Variants in RAB7A observed in about 807,000 individuals in gnomAD.
RAB7A encodes RAB7A, member RAS oncogene family, also known as ras-related protein Rab-7a.
RAB7A carries 2 observed loss-of-function variants against 24.5 expected under a neutral mutation model. The observed-to-expected ratio is 0.08, with a 90% CI of 0.03 to 0.26. The LOEUF is 0.26. Ranked by LOEUF, RAB7A falls within the 10% of genes least tolerant of loss-of-function variation. The pLI, the probability that RAB7A is intolerant of heterozygous loss-of-function variation, is 1.00. For synonymous variants in RAB7A, 100 were observed against 95.9 expected, an observed-to-expected ratio of 1.04 and a Z score of -0.25; for missense variants, 118 against 255.7, an observed-to-expected ratio of 0.46 and a Z score of 3.67.
At chr3:128,753,994 A>G (rs1003487289) in intron 1 of RAB7A, among the ~76,000 whole-genome samples, 2 of 152,026 alleles carry the variant, frequency 1.3e-5, no homozygotes, top group Non-Finnish European at 2.9e-5. Context: ...AAACACTAAA[A>G]CTACAGCACC....
At chr3:128,784,505 C>T (rs1488545776) in intron 1 of RAB7A, among the ~76,000 whole-genome samples, 2 of 152,204 alleles carry the variant, frequency 1.3e-5, no homozygotes, top group East Asian at 1.9e-4. Flanking sequence ...GCAGGCAGGG[C>T]GCTGGCTCTG....
intron 1 of RAB7A, among the ~76,000 whole-genome samples, chr3:128,732,219 TA>T (rs1256365022): frequency 1.3e-5 from 2 of 151,536 alleles, no homozygotes; most frequent in African/African-American, 2.4e-5. Context: ...TTTGTATTTT[TA>T]GTATAGATGG....
intron 1 of RAB7A, among the ~76,000 whole-genome samples, chr3:128,787,752 C>T (rs930701523): frequency 3.9e-5 from 6 of 152,148 alleles, no homozygotes; most frequent in Non-Finnish European, 7.3e-5. Flanking sequence ...GTTCTGTCAC[C>T]CAGGCTGGAG....
At chr3:128,732,281 G>T (rs56211183) in intron 1 of RAB7A, among the ~76,000 whole-genome samples, 325 of 151,682 alleles carry the variant, frequency 2.1e-3, no homozygotes, top group Non-Finnish European at 3.9e-3. Flanking sequence ...CCTGTGATCC[G>T]CCCGCCTTGG....
chr3:128,770,558 T>A (rs2070875545), intron 1 of RAB7A, among the ~76,000 whole-genome samples: 1 of 152,192 alleles, frequency 6.6e-6, no homozygotes, highest in African/African-American at 2.4e-5. Flanking sequence ...TCTCACCGGA[T>A]ACGCTGGAGA....
chr3:128,806,619 A>G, intron 4 of RAB7A, 29 bp downstream of exon 4: 2 of 1,589,688 alleles, frequency 1.3e-6, no homozygotes, highest in Non-Finnish European at 1.7e-6. Context: ...AGATATTGTC[A>G]CAGACACCTG....
At chr3:128,727,460 T>C (rs916826878) in intron 1 of RAB7A, among the ~76,000 whole-genome samples, 2 of 152,232 alleles carry the variant, frequency 1.3e-5, no homozygotes, top group Admixed American at 6.5e-5. Flanking sequence ...TTTCTTTCTA[T>C]TGATGTCATT....
chr3:128,800,493 G>A (rs1559795991), intron 3 of RAB7A, among the ~76,000 whole-genome samples: 1 of 152,148 alleles, frequency 6.6e-6, no homozygotes, highest in African/African-American at 2.4e-5. Flanking sequence ...CACTCTTGAA[G>A]TAAACCCCAT....
At chr3:128,742,204 C>T (rs13325671) in intron 1 of RAB7A, among the ~76,000 whole-genome samples, 10,331 of 151,258 alleles carry the variant, frequency 0.068, 419 homozygotes, top group African/African-American at 0.1. Flanking sequence ...TCGTTCCTCC[C>T]GTCTAGAGTT....
At chr3:128,743,654 A>AGAAAT (rs2070578908) in intron 1 of RAB7A, among the ~76,000 whole-genome samples, 1 of 152,204 alleles carries the variant, frequency 6.6e-6, no homozygotes, top group Non-Finnish European at 1.5e-5. Context: ...ACAGTCTCTG[A>AGAAAT]ACAAAATCAA....
chr3:128,779,327 G>A (rs1187285655), intron 1 of RAB7A, among the ~76,000 whole-genome samples: 1 of 151,770 alleles, frequency 6.6e-6, no homozygotes, highest in Non-Finnish European at 1.5e-5. Flanking sequence ...AGAGTTGCTT[G>A]AGCCCAGGAG....
intron 1 of RAB7A, among the ~76,000 whole-genome samples, chr3:128,756,209 G>A (rs1159134661): frequency 6.6e-6 from 1 of 152,128 alleles, no homozygotes; most frequent in African/African-American, 2.4e-5. Context: ...GGTGGCACAT[G>A]CCTGTAATCC....
Position 128,790,094 on chromosome 3 carries a change from C to G in RAB7A, c.-8-5266C>G, listed in dbSNP as rs556789975. Among the ~76,000 whole-genome samples the G allele has an allele frequency of 3.3e-5, 5 of 152,294 alleles. No individual in the cohort carries two copies. In the South Asian group the frequency reaches 1.0e-3, roughly 32 times the overall value. On this transcript the variant is annotated intron_variant, in intron 1 of 5. Transcript: ENST00000265062. Reference sequence around the variant, plus strand: ...AGGCATGAGCCACCACGCCTGGCCCCTGGCTCTTTTCTAGAAACAAGTGTC... The same window carrying G: ...AGGCATGAGCCACCACGCCTGGCCCGTGGCTCTTTTCTAGAAACAAGTGTC...
At chr3:128,763,340 G>A (rs1041917549) in intron 1 of RAB7A, among the ~76,000 whole-genome samples, 1 of 149,098 alleles carries the variant, frequency 6.7e-6, no homozygotes, top group Non-Finnish European at 1.5e-5. Context: ...TCAGCCTCCC[G>A]AGTAGCTGGG....
intron 3 of RAB7A, among the ~76,000 whole-genome samples, chr3:128,805,319 C>T (rs776462472): frequency 5.9e-5 from 9 of 152,178 alleles, no homozygotes; most frequent in Non-Finnish European, 1.0e-4. Context: ...CCTAGCCTGC[C>T]GAGAGGCAGT....
chr3:128,803,419 G>T (rs1933738510), intron 3 of RAB7A, among the ~76,000 whole-genome samples: 1 of 152,068 alleles, frequency 6.6e-6, no homozygotes. Flanking sequence ...GTGGATGCTA[G>T]AATATAGGGA....
chr3:128,780,186 C>A lies in RAB7A; in HGVS notation c.-8-15174C>A, dbSNP rs572688072. Among the ~76,000 whole-genome samples, 5 of 152,224 alleles carry A rather than the reference C, an allele frequency of 3.3e-5. No individual in the cohort carries two copies. In the East Asian group the frequency reaches 9.7e-4, roughly 29 times the overall value. Reference sequence around the variant, plus strand: ...CTATAGGAACAGTGGGGACACAAATCAATTTTCACACAATTTTATGACCCT... The same window carrying A: ...CTATAGGAACAGTGGGGACACAAATAAATTTTCACACAATTTTATGACCCT... On this transcript the variant is annotated intron_variant, in intron 1 of 5. Transcript: ENST00000265062.
intron 1 of RAB7A, among the ~76,000 whole-genome samples, chr3:128,728,776 T>A (rs949328028): frequency 2.6e-5 from 4 of 152,120 alleles, no homozygotes; most frequent in African/African-American, 9.7e-5. Context: ...TCTGGTAGCA[T>A]TTTTTTGTTC....
At chr3:128,758,339 C>T (rs2070748548) in intron 1 of RAB7A, among the ~76,000 whole-genome samples, 1 of 146,700 alleles carries the variant, frequency 6.8e-6, no homozygotes, top group African/African-American at 2.5e-5. Context: ...GTGGCGCTAT[C>T]TCGGCTCACT....
Sources: gnomAD v4.1 joint callset for allele counts (sites outside exome capture counted in the v4.1 genomes callset) on GRCh38, gnomAD v4.1.1 for gene constraint, MANE v1.5 for transcripts, NCBI Gene and HGNC (gene_info 2026-07-23, HGNC 2026-07-21) for gene names.